Variants in CLMN observed in about 807,000 individuals in gnomAD.
CLMN encodes calmin (calponin-like, transmembrane).
Under a neutral mutation model 92.7 loss-of-function variants are expected in CLMN, and 57 were observed. The ratio of observed to expected loss-of-function variants is 0.61; its 90% CI spans 0.50 to 0.77. CLMN has a LOEUF of 0.77. CLMN is among the 30% of genes least tolerant of loss of function. The pLI is 0.00. For synonymous variants in CLMN, 466 were observed against 470.6 expected (o/e 0.99, Z 0.13); for missense variants, 1,158 against 1,237.5 (o/e 0.94, Z 0.96).
At chr14:95,310,960 G>A (rs983145956) in intron 1 of CLMN, among the ~76,000 whole-genome samples, 1 of 152,220 alleles carries the variant, frequency 6.6e-6, no homozygotes, top group African/African-American at 2.4e-5. Flanking sequence ...AGAGATGGAT[G>A]GGGTGCGAGA....
chr14:95,317,389 C>T (rs939993120), intron 1 of CLMN, among the ~76,000 whole-genome samples: 2 of 152,196 alleles, frequency 1.3e-5, no homozygotes, highest in African/African-American at 4.8e-5. Flanking sequence ...CAACGCCCGA[C>T]ACGGTAACTC....
intron 1 of CLMN, among the ~76,000 whole-genome samples, chr14:95,310,592 C>A (rs1413295021): frequency 6.6e-6 from 1 of 152,214 alleles, no homozygotes; most frequent in African/African-American, 2.4e-5. Flanking sequence ...CTTCTAAAGA[C>A]CTGCTCCATG....
rs143838359 is a variant in CLMN at position 95,283,492 on chromosome 14, A to C, written c.82+36219T>G. ...CTGGGTAACAGGCAGAGGTTGGAAC[A>C]GTTTGGAGGGCTCCAAAGAAGACAA... On this transcript the variant is annotated intron_variant, in intron 1 of 12. Coordinates refer to ENST00000298912, the MANE Select transcript of CLMN (RefSeq NM_024734.4). Among the ~76,000 whole-genome samples the C allele has an allele frequency of 2.3e-3, 343 of 152,346 alleles. 1 individual carries two copies. Among genetic ancestry groups the C allele is most frequent in the African/African-American group, 7.5e-3 (313 of 41,582 alleles).
At chr14:95,262,011 G>A (rs944958543) in intron 1 of CLMN, among the ~76,000 whole-genome samples, 1 of 152,256 alleles carries the variant, frequency 6.6e-6, no homozygotes, top group Non-Finnish European at 1.5e-5. Flanking sequence ...CGCATCAAAG[G>A]CCTGGCTGTG....
At chr14:95,235,324 G>C (rs951356861) in intron 1 of CLMN, among the ~76,000 whole-genome samples, 6 of 152,312 alleles carry the variant, frequency 3.9e-5, no homozygotes, top group African/African-American at 1.4e-4. Context: ...TCTGCATTTA[G>C]CCAGCTCTCC....
At chr14:95,238,138 G>A (rs1172041988) in intron 1 of CLMN, among the ~76,000 whole-genome samples, 2 of 152,170 alleles carry the variant, frequency 1.3e-5, no homozygotes, top group Middle Eastern at 3.4e-3. Context: ...CAGCCCCAAC[G>A]CTGCCGACTC....
chr14:95,220,636 A>G (rs544167625), intron 4 of CLMN, among the ~76,000 whole-genome samples: 1 of 152,108 alleles, frequency 6.6e-6, no homozygotes, highest in South Asian at 2.1e-4. Flanking sequence ...TCCTAGAACT[A>G]CTGGGAGGGG....
At chr14:95,299,207 A>C (rs1900937536) in intron 1 of CLMN, among the ~76,000 whole-genome samples, 1 of 152,044 alleles carries the variant, frequency 6.6e-6, no homozygotes, top group Non-Finnish European at 1.5e-5. Flanking sequence ...TGCTCCCCCC[A>C]ACCCCACCAC....
In CLMN at chr14:95,203,330, C is replaced by T; in HGVS notation, c.2019G>A (p.Glu673=). Residue 673 remains glutamate, a synonymous_variant, in exon 9 of 13, where the codon GAG becomes GAA. Transcript: ENST00000298912. ...RKSTRPHYEE[E]GEDDDLQGVG... is the part of the protein sequence containing the mutation. ...CACCCTGGAGGTCATCGTCTTCTCCCTCTTCCTCATAATGAGGACGGGTGG... is the reference window on the plus strand; with the variant it reads ...CACCCTGGAGGTCATCGTCTTCTCCTTCTTCCTCATAATGAGGACGGGTGG... The T allele has an allele frequency of 1.2e-6, 2 of 1,614,106 alleles. No individual in the cohort carries two copies. The highest frequency in any genetic ancestry group is 2.2e-5 in the South Asian group (2 of 91,082).
intron 1 of CLMN, among the ~76,000 whole-genome samples, chr14:95,303,852 T>G (rs536518386): frequency 2.6e-5 from 4 of 152,250 alleles, no homozygotes; most frequent in Non-Finnish European, 5.9e-5. Context: ...CGGACCCAAC[T>G]GGGCTTCTAA....
chr14:95,265,961 C>G (rs1899456812), intron 1 of CLMN, among the ~76,000 whole-genome samples: 1 of 152,256 alleles, frequency 6.6e-6, no homozygotes, highest in African/African-American at 2.4e-5. Context: ...ACACGGGCCA[C>G]TGGAGAAGCC....
At chr14:95,214,590 G>A (rs61977676) in intron 5 of CLMN, among the ~76,000 whole-genome samples, 2,146 of 152,074 alleles carry the variant, frequency 0.014, 24 homozygotes, top group Non-Finnish European at 0.02. Flanking sequence ...GGGCTCAAGC[G>A]ACCCTGCCGC....
At chr14:95,284,251 G>GAT (rs931382692) in intron 1 of CLMN, among the ~76,000 whole-genome samples, 30 of 152,282 alleles carry the variant, frequency 2.0e-4, no homozygotes, top group East Asian at 5.8e-4. Flanking sequence ...CTAGATTTCA[G>GAT]ATATATATAT....
rs1337598866 is a variant in CLMN, at chr14:95,183,227, C to T, written c.*8337G>A. 1 of 152,194 alleles carries T rather than the reference C, an allele frequency of 6.6e-6. No homozygotes were observed. Among genetic ancestry groups the T allele is most frequent in the African/African-American group, 2.4e-5 (1 of 41,424 alleles). The allele number at this position is 152,194 out of a possible 1,614,324, so 9.4% of individuals were successfully genotyped here. ...GCCTGCTTTGGACAATGTCAACTCT[C>T]CAGACAACAGGCACTCCCAGAGTTT... On this transcript the variant is annotated 3_prime_UTR_variant, in exon 13 of 13. Transcript: ENST00000298912.
chr14:95,229,761 G>A (rs778257526), intron 2 of CLMN, among the ~76,000 whole-genome samples: 5 of 152,174 alleles, frequency 3.3e-5, no homozygotes, highest in African/African-American at 7.2e-5. Flanking sequence ...ATCAAGATGC[G>A]CACCTGAGTT....
rs915441991 is a variant in CLMN at position 95,294,084 on chromosome 14, C to T, written c.82+25627G>A. ...GGGCTTCCCCACTCCCCAGGCGAAC[C>T]TCTTCCTACCTACCTCACCCTAAAC... On this transcript the variant is annotated intron_variant, in intron 1 of 12. Transcript: ENST00000298912. This position sits in a 1 kb window ranked among gnomAD's most constrained non-coding sequence, Gnocchi z 4.2. Among the ~76,000 whole-genome samples the T allele has an allele frequency of 3.3e-5, 5 of 152,180 alleles. No homozygotes were observed. The highest frequency in any genetic ancestry group is 1.2e-4 in the African/African-American group (5 of 41,444).
chr14:95,203,236 C>G lies in CLMN; in HGVS notation c.2113G>C (p.Glu705Gln). 2 of 1,613,882 alleles carry G rather than the reference C, an allele frequency of 1.2e-6. No homozygotes were observed. Among genetic ancestry groups the G allele is most frequent in the Non-Finnish European group, 1.7e-6 (2 of 1,180,010 alleles). The change falls in exon 9 of 13, where the codon GAA (glutamate) becomes CAA (glutamine). Residue 705 changes from glutamate (E) to glutamine (Q), a missense_variant. By Grantham distance (29) the Glu-to-Gln change is conservative. Coordinates refer to ENST00000298912, the MANE Select transcript of CLMN (RefSeq NM_024734.4). ...VSLETLGSHS[E>Q]EGLDFKPSPP... ...GAGGGCTTGAAATCCAGGCCTTCTT[C>G]GCTGTGACTCCCAAGGGTCTCCAAG...
At chr14:95,266,140 G>T (rs1241443523) in intron 1 of CLMN, among the ~76,000 whole-genome samples, 1 of 152,234 alleles carries the variant, frequency 6.6e-6, no homozygotes, top group Non-Finnish European at 1.5e-5. Flanking sequence ...CTAAGATCTG[G>T]AACGAGACAA....
intron 6 of CLMN, among the ~76,000 whole-genome samples, chr14:95,212,846 A>G (rs532423198): frequency 8.0e-4 from 115 of 144,016 alleles, no homozygotes; most frequent in African/African-American, 2.7e-3. Context: ...AATGCAGTGG[A>G]GTGAACTCGG....
Sources: gnomAD v4.1 joint callset for allele counts (sites outside exome capture counted in the v4.1 genomes callset) on GRCh38, gnomAD v4.1.1 for gene constraint, Gnocchi (gnomAD v3.1) non-coding constraint, MANE v1.5 for transcripts, NCBI Gene and HGNC (gene_info 2026-07-23, HGNC 2026-07-21) for gene names.